The following ABTB2 variants were observed in gnomAD, a reference collection of about 807,000 sequenced individuals.
ABTB2 encodes the protein ankyrin repeat and BTB domain containing 2, also known as ankyrin repeat and BTB/POZ domain-containing protein 2.
Under a neutral mutation model 104.1 loss-of-function variants are expected in ABTB2, and 56 were observed. The observed-to-expected ratio is 0.54, with a 90% CI of 0.43 to 0.67. ABTB2 has a LOEUF of 0.67. ABTB2 is among the 30% of genes least tolerant of loss of function. The pLI is 0.00. For missense variants in ABTB2, 1,279 were observed against 1,407.7 expected (o/e 0.91, Z 1.46); for synonymous variants, 606 against 608.2 (o/e 1.00, Z 0.05).
intron 1 of ABTB2, among the ~76,000 whole-genome samples, chr11:34,291,452 G>A (rs1854564651): frequency 1.3e-5 from 2 of 152,194 alleles, no homozygotes; most frequent in South Asian, 2.1e-4. Flanking sequence ...GTTCTTCGGC[G>A]TGGGGCACAG....
At chr11:34,309,511 G>A (rs1854824336) in intron 1 of ABTB2, among the ~76,000 whole-genome samples, 2 of 152,184 alleles carry the variant, frequency 1.3e-5, no homozygotes, top group African/African-American at 4.8e-5. Context: ...GAGGAGAAAC[G>A]AAACTCATGA....
rs541064278 is a variant in ABTB2 at position 34,251,827 on chromosome 11, G to A, written c.884-47137C>T. Among the ~76,000 whole-genome samples, 12 of 149,420 alleles carry A rather than the reference G, an allele frequency of 8.0e-5. No homozygotes were observed. In the South Asian group the frequency reaches 2.4e-3, roughly 30 times the overall value. ...GTGAGGCTATCTACAGAGACATGAG[G>A]AGTGATTCACCGCAGACTAAAAAAA... On this transcript the variant is annotated intron_variant, in intron 1 of 16. Transcript: ENST00000435224.
chr11:34,339,867 A>G (rs1855241116), intron 1 of ABTB2, among the ~76,000 whole-genome samples: 1 of 152,164 alleles, frequency 6.6e-6, no homozygotes, highest in Non-Finnish European at 1.5e-5. Context: ...AATTAATCCT[A>G]TAGAAATAAT....
chr11:34,252,840 C>T lies in ABTB2; in HGVS notation c.884-48150G>A, dbSNP rs1361494909. ...AGGAGGCTGGGGGACCTCCTGGGAG[C>T]TTGGACACCTGGGCCTCTCCTGCCC... On this transcript the variant is annotated intron_variant, in intron 1 of 16. Coordinates refer to ENST00000435224, the MANE Select transcript of ABTB2 (RefSeq NM_145804.3). This position sits in a 1 kb window ranked among gnomAD's most constrained non-coding sequence, Gnocchi z 5.5. 6.6e-6 allele frequency among the ~76,000 whole-genome samples: 1 copy of T among 152,072 alleles called. No individual in the cohort carries two copies. The highest frequency in any genetic ancestry group is 1.5e-5 in the Non-Finnish European group (1 of 67,992).
intron 1 of ABTB2, among the ~76,000 whole-genome samples, chr11:34,216,611 C>T (rs1451219875): frequency 2.0e-5 from 3 of 152,014 alleles, no homozygotes; most frequent in Non-Finnish European, 4.4e-5. Flanking sequence ...ATTAGCCAGG[C>T]GTGGTGGCAG....
intron 16 of ABTB2, among the ~76,000 whole-genome samples, chr11:34,153,883 C>T (rs1008546604): frequency 1.3e-5 from 2 of 152,172 alleles, no homozygotes; most frequent in Admixed American, 6.5e-5. Context: ...AGCAACTGAG[C>T]AGTGACCATG....
At position 34,357,035 on chromosome 11, in the gene ABTB2, G is replaced by T. The variant is rs1452233617; in HGVS notation, c.549C>A (p.Ser183=). 1.9e-6 allele frequency: 3 copies of T among 1,542,160 alleles called. No homozygotes were observed. The highest frequency in any genetic ancestry group is 2.6e-6 in the Non-Finnish European group (3 of 1,145,424). ...SCALAAVKAL[S]LYSMSAGDGL... ...CGTCGCCGGCGCTCATGCTGTACAGGGACAGCGCCTTGACGGCTGCCAGCG... is the reference window on the plus strand; with the variant it reads ...CGTCGCCGGCGCTCATGCTGTACAGTGACAGCGCCTTGACGGCTGCCAGCG... The change falls in exon 1 of 17, where the codon TCC becomes TCA. Residue 183 remains serine, a synonymous_variant. Coordinates refer to ENST00000435224, the MANE Select transcript of ABTB2 (RefSeq NM_145804.3).
rs146303905 is a variant in ABTB2, at chr11:34,152,549, C to G, written c.2916G>C (p.Glu972Asp). The G allele has an allele frequency of 3.7e-5, 59 of 1,612,974 alleles. No individual in the cohort carries two copies. Among genetic ancestry groups the G allele is most frequent in the Non-Finnish European group, 4.8e-5 (57 of 1,179,772 alleles). The change falls in exon 17 of 17, where the codon GAG (glutamate) becomes GAC (aspartate). Residue 972 changes from glutamate to aspartate, a missense_variant. By Grantham distance (45) the Glu-to-Asp change is conservative. Transcript: ENST00000435224. ...HNAPELALFC[E>D]GFFLKHMKAL... is the part of the protein sequence containing the mutation. ...CCTTCATGTGCTTGAGGAAGAAGCC[C>G]TCACAGAACAGGGCCAGTTCTGGGG...
intron 1 of ABTB2, among the ~76,000 whole-genome samples, chr11:34,260,627 G>T (rs1456303960): frequency 2.0e-5 from 3 of 152,198 alleles, no homozygotes; most frequent in Non-Finnish European, 4.4e-5. Context: ...TGGACATTTG[G>T]TCTGGGATAG....
intron 4 of ABTB2, among the ~76,000 whole-genome samples, chr11:34,171,703 C>T (rs1202376254): frequency 2.6e-5 from 4 of 152,120 alleles, no homozygotes; most frequent in African/African-American, 9.7e-5. Flanking sequence ...AGCTCCCACC[C>T]AGACTCATGC....
intron 1 of ABTB2, among the ~76,000 whole-genome samples, chr11:34,332,039 C>G (rs1355788338): frequency 6.6e-6 from 1 of 152,194 alleles, no homozygotes; most frequent in Non-Finnish European, 1.5e-5. Flanking sequence ...CAACTCCATG[C>G]CCCCAATCTG....
intron 1 of ABTB2, chr11:34,335,598 A>G (rs1855184770): frequency 3.3e-6 from 5 of 1,504,780 alleles, no homozygotes. Flanking sequence ...AAGTTTCTGC[A>G]CTGTTAATTT....
intron 3 of ABTB2, among the ~76,000 whole-genome samples, chr11:34,194,850 A>T (rs1285381956): frequency 6.6e-6 from 1 of 152,056 alleles, no homozygotes; most frequent in Non-Finnish European, 1.5e-5. Flanking sequence ...ATTCATGGAA[A>T]AATATCTTTG....
At chr11:34,301,224 G>A (rs1224271690) in intron 1 of ABTB2, among the ~76,000 whole-genome samples, 2 of 152,092 alleles carry the variant, frequency 1.3e-5, no homozygotes, top group Admixed American at 1.3e-4. Flanking sequence ...TCAGAGAAGG[G>A]AGCTGCCCAC....
intron 3 of ABTB2, among the ~76,000 whole-genome samples, chr11:34,184,087 C>T (rs1378330193): frequency 6.8e-6 from 1 of 148,092 alleles, no homozygotes; most frequent in African/African-American, 2.5e-5. Flanking sequence ...TTTGTAGAGA[C>T]AGGTCTATGT....
chr11:34,153,354 C>T (rs1354119988), intron 16 of ABTB2, among the ~76,000 whole-genome samples: 2 of 152,090 alleles, frequency 1.3e-5, no homozygotes, highest in Non-Finnish European at 2.9e-5. Context: ...ATGGGAGTAA[C>T]ACAGTCTTTG....
In ABTB2 at chr11:34,151,442, C is replaced by T. The variant is rs1049922799; in HGVS notation, c.*945G>A. ...TCCTTTAATCTCCAAGAGTCACAGT[C>T]CCCAGTGGGACCTGTTTGCCCAGCT... is the stretch of plus-strand genomic sequence containing the variant. On this transcript the variant is annotated 3_prime_UTR_variant, in exon 17 of 17. Coordinates refer to ENST00000435224, the MANE Select transcript of ABTB2 (RefSeq NM_145804.3). The T allele has an allele frequency of 6.6e-6, 1 of 152,228 alleles. No homozygotes were observed. Among genetic ancestry groups the T allele is most frequent in the Admixed American group, 6.5e-5 (1 of 15,284 alleles). 9.4% of individuals were successfully genotyped at this position (152,228 alleles called of 1,614,324 possible).
intron 1 of ABTB2, among the ~76,000 whole-genome samples, chr11:34,334,880 G>C (rs1273657742): frequency 6.6e-6 from 1 of 151,592 alleles, no homozygotes; most frequent in Non-Finnish European, 1.5e-5. Flanking sequence ...TAATACCCTA[G>C]TTACAAGCTA....
chr11:34,267,992 T>C (rs761533775), intron 1 of ABTB2, among the ~76,000 whole-genome samples: 3 of 152,200 alleles, frequency 2.0e-5, no homozygotes, highest in Non-Finnish European at 2.9e-5. Flanking sequence ...GTGCAGTGGC[T>C]TGATCTCGGC....
Sources: allele counts gnomAD v4.1 joint callset (sites outside exome capture counted in the v4.1 genomes callset), GRCh38; gene constraint gnomAD v4.1.1; non-coding constraint Gnocchi (gnomAD v3.1); transcripts MANE v1.5; gene names NCBI Gene and HGNC (gene_info 2026-07-23, HGNC 2026-07-21).